The following PCDH15 variants were observed in gnomAD, a reference collection of about 807,000 sequenced individuals.
The protein encoded by PCDH15 is protocadherin related 15, also known as protocadherin-15.
Under a neutral mutation model 178.5 loss-of-function variants are expected in PCDH15, and 129 were observed. The observed-to-expected ratio is 0.72, with a 90% CI of 0.63 to 0.84. PCDH15 has a LOEUF of 0.84. Among genes scored for constraint, PCDH15 ranks in the 40% least tolerant of loss-of-function variants. PCDH15 has a pLI of 0.00. For synonymous variants in PCDH15, 800 were observed against 732.0 expected (o/e 1.09, Z -1.50); for missense variants, 2,230 against 2,099.9 (o/e 1.06, Z -1.21).
chr10:53,808,756 C>T, intron 37 of PCDH15: 1 of 1,612,880 alleles, frequency 6.2e-7, no homozygotes, highest in Non-Finnish European at 8.5e-7. Flanking sequence ...TGCATTCTTG[C>T]TTCTGTCATA....
chr10:54,616,434 G>T (rs572391909), intron 2 of PCDH15, among the ~76,000 whole-genome samples: 1 of 152,034 alleles, frequency 6.6e-6, no homozygotes, highest in East Asian at 1.9e-4. Flanking sequence ...ATCTGTTTGG[G>T]GTTATTTAAA....
chr10:53,991,145 C>A (rs2091449948), intron 21 of PCDH15, among the ~76,000 whole-genome samples: 1 of 152,140 alleles, frequency 6.6e-6, no homozygotes, highest in African/African-American at 2.4e-5. Context: ...GGTGCTGCCC[C>A]CTGCTCCATG....
Position 55,180,747 on chromosome 10 carries a change from T to G in PCDH15, c.-155-14096A>C, listed in dbSNP as rs750795277. On this transcript the variant is annotated intron_variant, in intron 1 of 5. Transcript: ENST00000458638. The stretch of plus-strand genomic sequence containing the variant: ...AAATATCATGAAATTAAATCAAATG[T>G]AATTTTGGGGAAAACAAAACTCACA... Among the ~76,000 whole-genome samples, 2 of 152,134 alleles carry G rather than the reference T, an allele frequency of 1.3e-5. 1 individual carries two copies.
intron 3 of PCDH15, among the ~76,000 whole-genome samples, chr10:54,417,338 C>A (rs1612430): frequency 0.21 from 31,232 of 151,928 alleles, 3,989 homozygotes; most frequent in African/African-American, 0.36. Flanking sequence ...TTTTCTCTCA[C>A]AGAAGAGGTC....
At chr10:54,031,236 T>C (rs576779538) in intron 18 of PCDH15, among the ~76,000 whole-genome samples, 8 of 63,564 alleles carry the variant, frequency 1.3e-4, no homozygotes, top group African/African-American at 2.9e-4. Context: ...TTCCCTGATA[T>C]AGGTTTTTTT....
chr10:55,054,112 CT>C (rs1431937626), intron 2 of PCDH15, among the ~76,000 whole-genome samples: 10 of 152,066 alleles, frequency 6.6e-5, no homozygotes, highest in Admixed American at 5.9e-4. Context: ...GTTATTTTCC[CT>C]GATCCTTTTC....
intron 2 of PCDH15, among the ~76,000 whole-genome samples, chr10:54,561,141 C>A (rs1215928400): frequency 1.3e-5 from 2 of 152,044 alleles, no homozygotes; most frequent in Non-Finnish European, 2.9e-5. Flanking sequence ...GACGCTTAAA[C>A]ATCTTAAGTA....
chr10:54,396,274 GT>G (rs965404728), intron 3 of PCDH15, among the ~76,000 whole-genome samples: 4 of 152,050 alleles, frequency 2.6e-5, no homozygotes, highest in African/African-American at 9.7e-5. Flanking sequence ...CTTTTCCTTT[GT>G]CATGTCGCTT....
chr10:55,570,374 T>C (rs745743150), intron 2 of PCDH15, among the ~76,000 whole-genome samples: 2 of 151,964 alleles, frequency 1.3e-5, no homozygotes, highest in East Asian at 3.9e-4. Flanking sequence ...AATACAACAC[T>C]GGATGATTGT....
At chr10:54,625,023 C>T (rs537452946) in intron 2 of PCDH15, among the ~76,000 whole-genome samples, 2 of 152,272 alleles carry the variant, frequency 1.3e-5, no homozygotes, top group South Asian at 2.1e-4. Context: ...CCCCCCACCC[C>T]ACTGGGTCCG....
upstream of PCDH15, among the ~76,000 whole-genome samples, chr10:54,801,647 C>T (rs1285787900): frequency 1.3e-5 from 2 of 152,110 alleles, no homozygotes; most frequent in Admixed American, 6.6e-5. Flanking sequence ...CTCTCTCTCT[C>T]ATTAAATCTA....
chr10:55,295,431 A>C (rs982023721), intron 1 of PCDH15, among the ~76,000 whole-genome samples: 1 of 152,254 alleles, frequency 6.6e-6, no homozygotes, highest in African/African-American at 2.4e-5. Context: ...TGTTGAGAGA[A>C]ACCAGCAATG....
intron 3 of PCDH15, among the ~76,000 whole-genome samples, chr10:54,404,387 C>A (rs552524177): frequency 1.3e-5 from 2 of 152,116 alleles, no homozygotes; most frequent in East Asian, 3.9e-4. Flanking sequence ...ACTATCTGAT[C>A]TTTGACAAAG....
chr10:54,517,699 C>G (rs1388875554), intron 3 of PCDH15, among the ~76,000 whole-genome samples: 1 of 152,112 alleles, frequency 6.6e-6, no homozygotes, highest in African/African-American at 2.4e-5. Context: ...CTCATCTCTG[C>G]ACCAAGAGGA....
intron 2 of PCDH15, among the ~76,000 whole-genome samples, chr10:54,910,797 T>A (rs1662778136): frequency 6.6e-6 from 1 of 152,156 alleles, no homozygotes; most frequent in Non-Finnish European, 1.5e-5. Flanking sequence ...AATAAATAAA[T>A]GAACAAACAA....
At chr10:54,753,997 A>T (rs867412545) in intron 1 of PCDH15, among the ~76,000 whole-genome samples, 57 of 132,440 alleles carry the variant, frequency 4.3e-4, no homozygotes, top group African/African-American at 1.4e-3. Context: ...TATTATTATT[A>T]TTTTTTATTT....
intron 2 of PCDH15, among the ~76,000 whole-genome samples, chr10:55,552,218 C>G (rs1842015896): frequency 6.6e-6 from 1 of 151,520 alleles, no homozygotes; most frequent in Non-Finnish European, 1.5e-5. Context: ...AACAATATAT[C>G]AATTTTTTCT....
chr10:55,479,968 G>C (rs1840142542), intron 2 of PCDH15, among the ~76,000 whole-genome samples: 1 of 151,606 alleles, frequency 6.6e-6, no homozygotes, highest in South Asian at 2.1e-4. Context: ...GCTTAGGATT[G>C]CCTTGGTTAT....
At chr10:54,403,624 T>A (rs1952225608) in intron 3 of PCDH15, among the ~76,000 whole-genome samples, 1 of 151,864 alleles carries the variant, frequency 6.6e-6, no homozygotes, top group Non-Finnish European at 1.5e-5. Context: ...AAAAGGGGCA[T>A]CCAAATAGGA....
Sources: gnomAD v4.1 joint callset for allele counts (sites outside exome capture counted in the v4.1 genomes callset) on GRCh38, gnomAD v4.1.1 for gene constraint, MANE v1.5 for transcripts, NCBI Gene and HGNC (gene_info 2026-07-23, HGNC 2026-07-21) for gene names.